Variants in FGGY observed in about 807,000 individuals in gnomAD.
FGGY encodes the protein FGGY carbohydrate kinase domain containing, also known as FGGY carbohydrate kinase domain-containing protein.
In FGGY, 72 loss-of-function variants were observed where a neutral mutation model predicts 71.3. The ratio of observed to expected loss-of-function variants is 1.01; its 90% CI spans 0.84 to 1.23. The LOEUF is 1.23. FGGY is among the 50% of genes most tolerant of loss of function. FGGY has a pLI of 0.00. For synonymous variants in FGGY, 251 were observed against 250.3 expected, an observed-to-expected ratio of 1.00 and a Z score of -0.02; for missense variants, 668 against 682.3, an observed-to-expected ratio of 0.98 and a Z score of 0.23.
rs2058913280 is a variant in FGGY, at chr1:59,378,224, T to A, written c.466-525T>A. On this transcript the variant is annotated intron_variant, in intron 4 of 15. Coordinates refer to ENST00000303721, the MANE Select transcript of FGGY (RefSeq NM_018291.5). ...TGTAGCTCCCATAATTCTCTCATGT[T>A]GTGGGAGGGACCTGGTGGGAGATAA... Among the ~76,000 whole-genome samples the A allele has an allele frequency of 2.0e-5, 3 of 152,138 alleles. No individual in the cohort carries two copies. In the South Asian group the frequency reaches 6.2e-4, roughly 32 times the overall value.
chr1:59,438,167 C>T (rs2068919882), intron 5 of FGGY, among the ~76,000 whole-genome samples: 2 of 152,194 alleles, frequency 1.3e-5, no homozygotes, highest in Admixed American at 1.3e-4. Context: ...GTTATTACCA[C>T]CATTGTAGAT....
intron 8 of FGGY, among the ~76,000 whole-genome samples, chr1:59,599,046 TG>T (rs2096550349): frequency 6.6e-6 from 1 of 152,348 alleles, no homozygotes; most frequent in East Asian, 1.9e-4. Flanking sequence ...TCAGGGTTTA[TG>T]GAAGGCTTTT....
At chr1:59,417,844 C>T (rs1028295062) in intron 5 of FGGY, among the ~76,000 whole-genome samples, 4 of 152,128 alleles carry the variant, frequency 2.6e-5, no homozygotes, top group African/African-American at 9.7e-5. Context: ...AATTAATTAA[C>T]TTTAAGTAAA....
chr1:59,383,874 C>T (rs1266631271), intron 5 of FGGY, among the ~76,000 whole-genome samples: 2 of 152,116 alleles, frequency 1.3e-5, no homozygotes, highest in Non-Finnish European at 2.9e-5. Context: ...TCGTGTCTCC[C>T]TAAAATGTAT....
At chr1:59,616,470 A>G (rs577523456) in intron 9 of FGGY, among the ~76,000 whole-genome samples, 2 of 152,124 alleles carry the variant, frequency 1.3e-5, no homozygotes, top group East Asian at 1.9e-4. Context: ...ATCATACACC[A>G]GGGCCTGCTG....
At chr1:59,634,766 T>G (rs553448538) in intron 10 of FGGY, among the ~76,000 whole-genome samples, 1 of 152,336 alleles carries the variant, frequency 6.6e-6, no homozygotes, top group Admixed American at 6.5e-5. Context: ...ACCTGTCATT[T>G]TATAGTGCTC....
intron 14 of FGGY, among the ~76,000 whole-genome samples, chr1:59,715,032 C>G (rs919211010): frequency 6.6e-6 from 1 of 152,144 alleles, no homozygotes; most frequent in Non-Finnish European, 1.5e-5. Flanking sequence ...CTTTGTTTCC[C>G]CCTTTCAAGA....
chr1:59,668,164 C>A (rs1375447583), intron 13 of FGGY, among the ~76,000 whole-genome samples: 1 of 152,122 alleles, frequency 6.6e-6, no homozygotes, highest in Non-Finnish European at 1.5e-5. Context: ...CCTTAGCAAG[C>A]CCCTAGGACC....
At chr1:59,423,790 C>T (rs909832547) in intron 5 of FGGY, among the ~76,000 whole-genome samples, 21 of 152,176 alleles carry the variant, frequency 1.4e-4, no homozygotes, top group African/African-American at 4.8e-4. Flanking sequence ...ACTTTCATGT[C>T]TCTGTTTCTC....
intron 5 of FGGY, among the ~76,000 whole-genome samples, chr1:59,435,556 T>TA (rs1368981643): frequency 6.6e-6 from 1 of 152,132 alleles, no homozygotes; most frequent in Non-Finnish European, 1.5e-5. Context: ...ACAAGCACTT[T>TA]GCCCCTTTGC....
intron 1 of FGGY, chr1:59,316,374 C>G (rs1299904537): frequency 1.3e-5 from 2 of 152,118 alleles, no homozygotes; most frequent in Non-Finnish European, 2.9e-5. Flanking sequence ...AGGCAGCAAT[C>G]TTAATGCTCT....
At chr1:59,714,427 A>G (rs188890558) in intron 14 of FGGY, among the ~76,000 whole-genome samples, 4 of 152,320 alleles carry the variant, frequency 2.6e-5, no homozygotes, top group Non-Finnish European at 4.4e-5. Context: ...TGGGAGCATC[A>G]AGTTGAAGGC....
rs144673318 is a variant in FGGY at position 59,511,462 on chromosome 1, G to T, written c.671-849G>T. 5.4e-3 allele frequency among the ~76,000 whole-genome samples: 813 copies of T among 150,966 alleles called. 12 individuals carry two copies. Among genetic ancestry groups the T allele is most frequent in the Non-Finnish European group, 6.9e-3 (470 of 68,014 alleles). On this transcript the variant is annotated intron_variant, in intron 6 of 15. Transcript: ENST00000303721. ...TAGAATCCTTGGGGGATGAGAGAGG[G>T]CTCGGGCTCTGTTTAACACCTAGGA...
At chr1:59,509,020 C>T (rs2094458646) in intron 6 of FGGY, among the ~76,000 whole-genome samples, 1 of 152,234 alleles carries the variant, frequency 6.6e-6, no homozygotes, top group African/African-American at 2.4e-5. Flanking sequence ...CAGAGCCCTT[C>T]TGCCTCTGCT....
chr1:59,686,489 A>G (rs970197302), intron 14 of FGGY, among the ~76,000 whole-genome samples: 2 of 152,164 alleles, frequency 1.3e-5, no homozygotes, highest in South Asian at 4.2e-4. Flanking sequence ...ACTTTTATAA[A>G]CCACATTAAG....
intron 5 of FGGY, among the ~76,000 whole-genome samples, chr1:59,442,847 C>A (rs1329660290): frequency 6.6e-6 from 1 of 152,092 alleles, no homozygotes; most frequent in Non-Finnish European, 1.5e-5. Context: ...TTGTATTTTG[C>A]ACAATGGGAA....
intron 14 of FGGY, among the ~76,000 whole-genome samples, chr1:59,716,296 C>T (rs775677078): frequency 4.6e-5 from 7 of 152,188 alleles, no homozygotes; most frequent in Non-Finnish European, 1.0e-4. Context: ...TTTTTACCTC[C>T]TTTCCCAGTT....
chr1:59,326,206 G>A (rs2047402129), intron 2 of FGGY, among the ~76,000 whole-genome samples: 1 of 152,200 alleles, frequency 6.6e-6, no homozygotes, highest in Admixed American at 6.5e-5. Flanking sequence ...TCTTTGCTAA[G>A]CATTGGAGCA....
chr1:59,354,593 G>T (rs1352507863), intron 4 of FGGY, among the ~76,000 whole-genome samples: 1 of 152,162 alleles, frequency 6.6e-6, no homozygotes, highest in African/African-American at 2.4e-5. Context: ...GTGGGTGATG[G>T]CTTCGGGAGG....
Sources: gnomAD v4.1 joint callset for allele counts (sites outside exome capture counted in the v4.1 genomes callset) on GRCh38, gnomAD v4.1.1 for gene constraint, MANE v1.5 for transcripts, NCBI Gene and HGNC (gene_info 2026-07-23, HGNC 2026-07-21) for gene names.